The following SUGCT variants were observed in gnomAD, a reference collection of about 807,000 sequenced individuals.
SUGCT encodes succinyl-CoA:glutarate CoA-transferase.
A neutral mutation model predicts 55.0 loss-of-function variants in SUGCT; 41 were observed. The ratio of observed to expected loss-of-function variants is 0.74; its 90% CI spans 0.58 to 0.97. SUGCT has a LOEUF of 0.97. SUGCT is among the 50% of genes least tolerant of loss of function. The probability of loss-of-function intolerance (pLI) is 0.00; values close to 1 mark genes in which losing one functional copy is unlikely to be tolerated. For missense variants in SUGCT, 568 were observed against 547.8 expected (o/e 1.04, Z -0.37); for synonymous variants, 187 against 200.4 (o/e 0.93, Z 0.56).
At chr7:40,686,902 C>T (rs913801039) in intron 12 of SUGCT, among the ~76,000 whole-genome samples, 18 of 152,048 alleles carry the variant, frequency 1.2e-4, no homozygotes, top group Non-Finnish European at 4.4e-5. Context: ...GAGGGGCAAT[C>T]ACCTATTTAC....
At chr7:40,317,104 T>C (rs1215337120) in intron 9 of SUGCT, among the ~76,000 whole-genome samples, 1 of 150,508 alleles carries the variant, frequency 6.6e-6, no homozygotes, top group East Asian at 1.9e-4. Context: ...TGAAAGTAAG[T>C]GCCTTTTGGG....
chr7:40,697,560 C>T (rs901630727), intron 12 of SUGCT, among the ~76,000 whole-genome samples: 1 of 152,174 alleles, frequency 6.6e-6, no homozygotes, highest in African/African-American at 2.4e-5. Flanking sequence ...CTCACTTGAA[C>T]CCGGGAGGCG....
intron 12 of SUGCT, among the ~76,000 whole-genome samples, chr7:40,666,859 G>A (rs1286222831): frequency 6.6e-6 from 1 of 152,134 alleles, no homozygotes; most frequent in Non-Finnish European, 1.5e-5. Flanking sequence ...CAACTTGAAA[G>A]ATAAGAAAGT....
chr7:40,235,352 G>A (rs1788953389), intron 6 of SUGCT, among the ~76,000 whole-genome samples: 1 of 152,050 alleles, frequency 6.6e-6, no homozygotes, highest in South Asian at 2.1e-4. Context: ...TTTTGAGACA[G>A]ACTCTCACTC....
intron 9 of SUGCT, among the ~76,000 whole-genome samples, chr7:40,375,335 A>G (rs146309275): frequency 0.013 from 2,029 of 152,316 alleles, 115 homozygotes; most frequent in Admixed American, 0.1. Flanking sequence ...TTTGTGAGCC[A>G]TCTAATTAAG....
At chr7:40,965,665 G>A in the SUGCT span, 2 of 152,066 alleles carry the variant, frequency 1.3e-5, no homozygotes, top group African/African-American at 4.8e-5. Flanking sequence ...ACATACTTTT[G>A]TCTTTGGGTT....
chr7:40,536,827 T>C (rs971126847), intron 12 of SUGCT, among the ~76,000 whole-genome samples: 1 of 152,180 alleles, frequency 6.6e-6, no homozygotes, highest in Non-Finnish European at 1.5e-5. Flanking sequence ...CTTCTTAAGC[T>C]CTCGTATGTG....
At chr7:40,802,257 A>AT (rs535715317) in intron 13 of SUGCT, among the ~76,000 whole-genome samples, 2 of 151,874 alleles carry the variant, frequency 1.3e-5, no homozygotes, top group East Asian at 3.9e-4. Flanking sequence ...GGATAAATGA[A>AT]TTTTTTTTCT....
At chr7:40,179,875 A>T (rs1785100479) in intron 1 of SUGCT, among the ~76,000 whole-genome samples, 3 of 152,224 alleles carry the variant, frequency 2.0e-5, no homozygotes, top group Non-Finnish European at 4.4e-5. Flanking sequence ...AACAAGGCAG[A>T]TGTCCAAGCC....
intron 9 of SUGCT, among the ~76,000 whole-genome samples, chr7:40,438,050 C>T (rs1255798877): frequency 2.6e-5 from 4 of 151,878 alleles, no homozygotes; most frequent in African/African-American, 4.8e-5. Context: ...TTGACATGGA[C>T]TTCTGAAACC....
At chr7:40,871,656 C>T in the SUGCT span, among the ~76,000 whole-genome samples, 3 of 151,968 alleles carry the variant, frequency 2.0e-5, no homozygotes, top group Non-Finnish European at 4.4e-5. Context: ...CAGTAGGTCA[C>T]CTTTATAGTC....
chr7:40,181,075 A>G (rs1414348364), intron 2 of SUGCT, 77 bp downstream of exon 2: 1 of 1,052,086 alleles, frequency 9.5e-7, no homozygotes, highest in Non-Finnish European at 1.5e-6. Flanking sequence ...TTGAATTATA[A>G]GAAGAGACTT....
intron 12 of SUGCT, among the ~76,000 whole-genome samples, chr7:40,741,145 G>A (rs374133223): frequency 6.6e-6 from 1 of 151,832 alleles, no homozygotes; most frequent in Non-Finnish European, 1.5e-5. Flanking sequence ...GAGTGTGGTG[G>A]CACAGGCCTG....
At chr7:40,767,269 G>C (rs2128724774) in intron 13 of SUGCT, among the ~76,000 whole-genome samples, 1 of 152,234 alleles carries the variant, frequency 6.6e-6, no homozygotes, top group Middle Eastern at 3.4e-3. Flanking sequence ...ATTAATTCCT[G>C]TAACTTAAAA....
intron 6 of SUGCT, among the ~76,000 whole-genome samples, chr7:40,226,925 A>C (rs1034723127): frequency 3.3e-5 from 5 of 151,894 alleles, no homozygotes; most frequent in East Asian, 1.9e-4. Context: ...AACAAACAAA[A>C]AATTTATTAA....
chr7:40,649,507 A>T (rs1292574857), intron 12 of SUGCT, among the ~76,000 whole-genome samples: 1 of 152,166 alleles, frequency 6.6e-6, no homozygotes, highest in Non-Finnish European at 1.5e-5. Context: ...CAGGCCTTCT[A>T]AATAAACTCT....
At chr7:40,378,804 T>G (rs1784730434) in intron 9 of SUGCT, among the ~76,000 whole-genome samples, 1 of 152,228 alleles carries the variant, frequency 6.6e-6, no homozygotes, top group Non-Finnish European at 1.5e-5. Context: ...CTTTAGGACA[T>G]GCTTTTCTTT....
At chr7:40,155,951 G>A (rs1176499612) in intron 1 of SUGCT, among the ~76,000 whole-genome samples, 4 of 151,630 alleles carry the variant, frequency 2.6e-5, no homozygotes, top group African/African-American at 9.7e-5. Flanking sequence ...TCCACCTCCG[G>A]GGTTCAAGCC....
intron 12 of SUGCT, among the ~76,000 whole-genome samples, chr7:40,722,217 G>A (rs1786378154): frequency 1.3e-5 from 2 of 151,964 alleles, no homozygotes; most frequent in Admixed American, 1.3e-4. Context: ...ACCAATTGGG[G>A]AAAATTTTTC....
Sources: gnomAD v4.1 joint callset for allele counts (sites outside exome capture counted in the v4.1 genomes callset) on GRCh38, gnomAD v4.1.1 for gene constraint, MANE v1.5 for transcripts, NCBI Gene and HGNC (gene_info 2026-07-23, HGNC 2026-07-21) for gene names.